TNRC6B: variants seen among roughly 807,000 people sequenced by gnomAD.
The protein encoded by TNRC6B is trinucleotide repeat containing adaptor 6B.
Under a neutral mutation model 203.6 loss-of-function variants are expected in TNRC6B, and 52 were observed. That is an observed-to-expected ratio of 0.26 (90% CI 0.20 to 0.32). The LOEUF (loss-of-function observed/expected upper bound fraction) is 0.32. Ranked by LOEUF, TNRC6B falls within the 10% of genes least tolerant of loss-of-function variation. TNRC6B has a pLI of 1.00. For synonymous variants in TNRC6B, 838 were observed against 845.7 expected (o/e 0.99, Z 0.16); for missense variants, 1,923 against 2,286.2 (o/e 0.84, Z 3.24).
At chr22:40,299,603 G>A (rs760409283) in intron 12 of TNRC6B, among the ~76,000 whole-genome samples, 7 of 152,022 alleles carry the variant, frequency 4.6e-5, no homozygotes, top group Non-Finnish European at 1.0e-4. Flanking sequence ...TTGCCCAGGT[G>A]TTCTCAATCT....
chr22:40,065,080 T>G (rs73418354), intron 1 of TNRC6B, among the ~76,000 whole-genome samples: 1,577 of 149,642 alleles, frequency 0.011, 25 homozygotes, highest in African/African-American at 0.037. Flanking sequence ...TCTCATAGAA[T>G]GAATTGGGAA....
intron 7 of TNRC6B, among the ~76,000 whole-genome samples, chr22:40,274,564 G>A (rs1026492257): frequency 6.6e-6 from 1 of 152,046 alleles, no homozygotes; most frequent in African/African-American, 2.4e-5. Flanking sequence ...GGGACTACAG[G>A]CAGCTGCCAC....
intron 3 of TNRC6B, among the ~76,000 whole-genome samples, chr22:40,136,304 A>G (rs1392911790): frequency 6.6e-6 from 1 of 151,286 alleles, no homozygotes. Context: ...ATATAGTAAA[A>G]TTTGTTATAG....
In TNRC6B at chr22:40,332,674, AC is replaced by A. The variant is rs1034424138; in HGVS notation, c.*9434del. ...GTTAGATTGCCTTTAAACAAAAAAA[AC>A]AACAAAAAAATAAAATCCTGACGTT... is the stretch of plus-strand genomic sequence containing the variant. On this transcript the variant is annotated 3_prime_UTR_variant, in exon 23 of 23. Transcript: ENST00000454349. 2.0e-5 allele frequency: 3 copies of A among 152,638 alleles called. No individual in the cohort carries two copies. Among genetic ancestry groups the A allele is most frequent in the East Asian group, 1.9e-4 (1 of 5,172 alleles). The allele number at this position is 152,638 out of a possible 1,614,324, so 9.5% of individuals were successfully genotyped here.
chr22:40,239,488 T>TA (rs2069997505), intron 1 of TNRC6B, among the ~76,000 whole-genome samples: 1 of 152,148 alleles, frequency 6.6e-6, no homozygotes, highest in Admixed American at 6.5e-5. Context: ...GAGTTGGAGT[T>TA]ACTGGGGATG....
intron 22 of TNRC6B, among the ~76,000 whole-genome samples, chr22:40,322,277 C>T (rs936040180): frequency 2.0e-5 from 3 of 152,196 alleles, no homozygotes; most frequent in African/African-American, 7.2e-5. Context: ...GTCATATCTC[C>T]TGCTGCCACA....
intron 1 of TNRC6B, among the ~76,000 whole-genome samples, chr22:40,094,777 A>G (rs955893954): frequency 3.9e-5 from 6 of 152,252 alleles, no homozygotes; most frequent in Non-Finnish European, 8.8e-5. Flanking sequence ...CAGAAGTTTA[A>G]TATGCAGCTG....
intron 1 of TNRC6B, among the ~76,000 whole-genome samples, chr22:40,101,553 T>A (rs1307026514): frequency 6.6e-6 from 1 of 152,196 alleles, no homozygotes; most frequent in African/African-American, 2.4e-5. Context: ...TTGGGCTTTT[T>A]TTTCTAGTTT....
At position 40,059,580 on chromosome 22, in the gene TNRC6B, T is replaced by C. The variant is rs566043658; in HGVS notation, c.-121+14582T>C. Among the ~76,000 whole-genome samples, 48 of 152,356 alleles carry C rather than the reference T, an allele frequency of 3.2e-4. No individual in the cohort carries two copies. The South Asian group carries it at 9.7e-3, about 31-fold the overall frequency. ...TTGTATCACTAACTGTGGTATGATC[T>C]GTGCGTTTTCATAGTTGCACTTTAT... On this transcript the variant is annotated intron_variant, in intron 1 of 23. Transcript: ENST00000301923.
At chr22:40,211,981 C>T (rs181055927) in intron 1 of TNRC6B, among the ~76,000 whole-genome samples, 20 of 152,280 alleles carry the variant, frequency 1.3e-4, no homozygotes, top group Middle Eastern at 3.4e-3. Flanking sequence ...TTCAAATGTT[C>T]GCTTTTGCAA....
intron 1 of TNRC6B, among the ~76,000 whole-genome samples, chr22:40,190,178 G>A (rs2069253796): frequency 6.6e-6 from 1 of 152,146 alleles, no homozygotes. Flanking sequence ...CTTATTTATT[G>A]ACTACCAAGA....
chr22:40,299,130 G>A (rs2070986012), intron 12 of TNRC6B, among the ~76,000 whole-genome samples: 1 of 140,366 alleles, frequency 7.1e-6, no homozygotes, highest in Non-Finnish European at 1.5e-5. Context: ...GGGTGACAGA[G>A]TGAGACCCTG....
At chr22:40,112,894 T>A (rs1856644526) in intron 1 of TNRC6B, among the ~76,000 whole-genome samples, 1 of 152,078 alleles carries the variant, frequency 6.6e-6, no homozygotes, top group Non-Finnish European at 1.5e-5. Flanking sequence ...CAAAGAGGGT[T>A]GATCACTTGA....
In TNRC6B at chr22:40,296,873, G is replaced by A. The variant is rs559313410; in HGVS notation, c.3709-3582G>A. ...AAACTCCTGGCCTCAAGTGATCTCC[G>A]CCCGACTTGGCCTCCCAAAGTGCTT... On this transcript the variant is annotated intron_variant, in intron 12 of 22. Coordinates refer to ENST00000454349, the MANE Select transcript of TNRC6B (RefSeq NM_001162501.2). Among the ~76,000 whole-genome samples the A allele has an allele frequency of 5.3e-5, 8 of 152,142 alleles. No individual in the cohort carries two copies. The South Asian group carries it at 6.2e-4, about 12-fold the overall frequency.
chr22:40,315,252 T>G, intron 19 of TNRC6B, 31 bp from the exon 20 acceptor site: 1 of 1,587,728 alleles, frequency 6.3e-7, no homozygotes, highest in Non-Finnish European at 8.6e-7. Flanking sequence ...CCGTCTAACC[T>G]TATTCCTTCC....
chr22:40,055,975 CAA>C (rs1200665310), intron 1 of TNRC6B, among the ~76,000 whole-genome samples: 1 of 152,226 alleles, frequency 6.6e-6, no homozygotes, highest in East Asian at 1.9e-4. Context: ...ATTTAATTCT[CAA>C]CCAGATTTGA....
intron 16 of TNRC6B, among the ~76,000 whole-genome samples, chr22:40,309,072 A>T (rs1163701358): frequency 1.3e-5 from 2 of 152,244 alleles, no homozygotes; most frequent in African/African-American, 4.8e-5. Flanking sequence ...CTAATAGATC[A>T]TAATACATGA....
intron 1 of TNRC6B, among the ~76,000 whole-genome samples, chr22:40,242,534 G>A (rs577930578): frequency 2.6e-5 from 4 of 151,684 alleles, no homozygotes; most frequent in South Asian, 4.2e-4. Context: ...AGGTTCAAGC[G>A]ATTGTCCTGC....
chr22:40,254,509 G>T (rs556351636), intron 3 of TNRC6B, among the ~76,000 whole-genome samples: 1 of 152,260 alleles, frequency 6.6e-6, no homozygotes, highest in South Asian at 2.1e-4. Flanking sequence ...AATGGAGCAA[G>T]ACCTTGTCTC....
Sources: gnomAD v4.1 joint callset for allele counts (sites outside exome capture counted in the v4.1 genomes callset) on GRCh38, gnomAD v4.1.1 for gene constraint, MANE v1.5 for transcripts, NCBI Gene and HGNC (gene_info 2026-07-23, HGNC 2026-07-21) for gene names.